The following PABIR2 variants were observed in gnomAD, a reference collection of about 807,000 sequenced individuals.
PABIR2 encodes the protein family with sequence similarity 122B.
PABIR2 carries 7 observed loss-of-function variants against 22.8 expected under a neutral mutation model. The ratio of observed to expected loss-of-function variants is 0.31; its 90% CI spans 0.17 to 0.58. The LOEUF (loss-of-function observed/expected upper bound fraction) is 0.58, where lower values mean the gene tolerates loss of function less well. Ranked by LOEUF, PABIR2 falls within the 20% of genes least tolerant of loss-of-function variation. The pLI, the probability that PABIR2 is intolerant of heterozygous loss-of-function variation, is 0.89. For missense variants in PABIR2, 155 were observed against 205.1 expected (o/e 0.76, Z 1.49); for synonymous variants, 67 against 73.8 (o/e 0.91, Z 0.47).
chrX:134,775,363 A>G (rs2078942623), intron 9 of PABIR2, among the ~76,000 whole-genome samples: 1 of 108,940 alleles, frequency 9.2e-6, no homozygotes, highest in South Asian at 4.0e-4. Flanking sequence ...CTAAAAATAT[A>G]AAAAATTAGC....
chrX:134,771,763 CA>C lies in PABIR2; in HGVS notation c.*375del. 1.2e-6 allele frequency: 1 copy of C among 806,951 alleles called. No homozygotes were observed. Among genetic ancestry groups the C allele is most frequent in the Non-Finnish European group, 1.5e-6 (1 of 674,719 alleles). 66.5% of individuals were successfully genotyped at this position (806,951 alleles called of 1,213,427 possible). Reference sequence around the variant, plus strand: ...TCTCTCAAGCAAGAGAATTTCTGATCAAATCTGTCATATCACTGCTGCGGAA... The same window carrying C: ...TCTCTCAAGCAAGAGAATTTCTGATCAATCTGTCATATCACTGCTGCGGAA... On this transcript the variant is annotated 3_prime_UTR_variant, in exon 10 of 10. Coordinates refer to ENST00000343004, the MANE Select transcript of PABIR2 (RefSeq NM_001387468.1).
chrX:134,790,964 G>A (rs905454501), intron 2 of PABIR2, among the ~76,000 whole-genome samples: 3 of 112,162 alleles, frequency 2.7e-5, no homozygotes, highest in East Asian at 5.6e-4. Flanking sequence ...GACTGTGGAA[G>A]AGAGCGCAGA....
At chrX:134,773,093 T>TG (rs1165301342) in intron 9 of PABIR2, among the ~76,000 whole-genome samples, 1 of 110,715 alleles carries the variant, frequency 9.0e-6, no homozygotes, top group Admixed American at 9.8e-5. Context: ...CTATCCAGCC[T>TG]GGGGGCTCAC....
chrX:134,796,068 C>T lies in PABIR2; in HGVS notation c.98+40G>A, dbSNP rs182383577. On this transcript the variant is annotated intron_variant, in intron 1 of 9. Coordinates refer to ENST00000343004, the MANE Select transcript of PABIR2 (RefSeq NM_001387468.1). ...AGATTGCTTGCATGGGGGCAAGGAG[C>T]CCCTGAATCCTGTACTCCATCCTCC... 21 of 1,132,158 alleles carry T rather than the reference C, an allele frequency of 1.9e-5. No homozygotes were observed. In the East Asian group the frequency reaches 4.5e-4, roughly 24 times the overall value. The allele number at this position is 1,132,158 out of a possible 1,213,427, so 93.3% of individuals were successfully genotyped here. A position where few individuals can be genotyped will look rare whatever the true frequency, so the allele number is the denominator to read the frequency against.
In PABIR2 at chrX:134,771,533, G is replaced by A; in HGVS notation, c.*606C>T. On this transcript the variant is annotated 3_prime_UTR_variant, in exon 10 of 10. Transcript: ENST00000343004. ...CTTCACACACCCCAACAGCAAAGAA[G>A]CAATAAGAGTAATGAAAGCAACTAC... The A allele has an allele frequency of 1.0e-6, 1 of 976,676 alleles. No individual in the cohort carries two copies. The highest frequency in any genetic ancestry group is 1.3e-6 in the Non-Finnish European group (1 of 780,680). The allele number at this position is 976,676 out of a possible 1,213,427, so 80.5% of individuals were successfully genotyped here.
At position 134,797,177 on chromosome X, in the gene PABIR2, C is replaced by T. The variant is rs1424218511; in HGVS notation, c.-972G>A. 1 of 114,041 alleles carries T rather than the reference C, an allele frequency of 8.8e-6. No individual in the cohort carries two copies. Among genetic ancestry groups the T allele is most frequent in the Non-Finnish European group, 1.9e-5 (1 of 53,461 alleles). 9.4% of individuals were successfully genotyped at this position (114,041 alleles called of 1,213,427 possible). On this transcript the variant is annotated 5_prime_UTR_variant, in exon 1 of 10. Transcript: ENST00000343004. ...AGCGGGAACCTCCGCTGGGCCAGTTCTTCCGCGTCCGGGCACCCATCGGGT... is the reference window on the plus strand; with the variant it reads ...AGCGGGAACCTCCGCTGGGCCAGTTTTTCCGCGTCCGGGCACCCATCGGGT...
At chrX:134,784,083 A>G (rs2079235497) in intron 8 of PABIR2, among the ~76,000 whole-genome samples, 1 of 107,884 alleles carries the variant, frequency 9.3e-6, no homozygotes, top group Admixed American at 1.0e-4. Context: ...CTTGCCTCAA[A>G]AAAAAAAAAA....
In PABIR2 at chrX:134,796,325, A is replaced by T; in HGVS notation, c.-120T>A. 1.5e-4 allele frequency: 1 copy of T among 6,674 alleles called. No individual in the cohort carries two copies. Among genetic ancestry groups the T allele is most frequent in the East Asian group, 6.8e-3 (1 of 147 alleles). 0.6% of individuals were successfully genotyped at this position (6,674 alleles called of 1,213,427 possible). Reference sequence around the variant, plus strand: ...GACTGGCAGCTGGGGGCGGGGGCTAAGGGGCGGAGGCTTGGGGACGGGGGC... The same window carrying T: ...GACTGGCAGCTGGGGGCGGGGGCTATGGGGCGGAGGCTTGGGGACGGGGGC... On this transcript the variant is annotated 5_prime_UTR_variant, in exon 1 of 10. Coordinates refer to ENST00000343004, the MANE Select transcript of PABIR2 (RefSeq NM_001387468.1).
chrX:134,794,667 T>C (rs1007020367), intron 1 of PABIR2, among the ~76,000 whole-genome samples: 1 of 112,130 alleles, frequency 8.9e-6, no homozygotes, highest in African/African-American at 3.2e-5. Flanking sequence ...AGAGGTGTTT[T>C]GTTAATCTTT....
chrX:134,781,220 G>A (rs1263590764), intron 9 of PABIR2, among the ~76,000 whole-genome samples: 1 of 112,872 alleles, frequency 8.9e-6, no homozygotes, highest in East Asian at 2.8e-4. Flanking sequence ...ATGAAATACT[G>A]TTGACTTTGA....
Position 134,782,737 on chromosome X carries a change from A to G in PABIR2, c.563-820T>C, listed in dbSNP as rs182634940. Among the ~76,000 whole-genome samples the G allele has an allele frequency of 3.6e-3, 409 of 112,389 alleles. 1 individual carries two copies. The highest frequency in any genetic ancestry group is 0.013 in the African/African-American group (395 of 30,970). ...CATGAGCCTGTCTATACTCCAGTAG[A>G]AAATTAGTAACTTTGAACTTAAAAC... On this transcript the variant is annotated intron_variant, in intron 8 of 9. Coordinates refer to ENST00000343004, the MANE Select transcript of PABIR2 (RefSeq NM_001387468.1).
chrX:134,782,010 G>C (rs1289628496), intron 8 of PABIR2, 93 bp from the exon 9 acceptor site: 1 of 539,781 alleles, frequency 1.9e-6, no homozygotes, highest in Admixed American at 3.4e-5. Context: ...CCAAAGCTCA[G>C]AATACTTCTT....
At chrX:134,789,047 T>C (rs1352556511) in intron 5 of PABIR2, 38 bp downstream of exon 5, 1 of 1,209,125 alleles carries the variant, frequency 8.3e-7, no homozygotes, top group Non-Finnish European at 1.1e-6. Context: ...TAAAAGTTTC[T>C]AGAAAATGAA....
intron 1 of PABIR2, 145 bp downstream of exon 1, chrX:134,795,963 A>G (rs2079787165): frequency 2.1e-6 from 1 of 482,499 alleles, no homozygotes; most frequent in Non-Finnish European, 3.4e-6. Context: ...TTGGGACCCA[A>G]GTCACTGTCA....
intron 9 of PABIR2, among the ~76,000 whole-genome samples, chrX:134,775,149 A>T (rs903275165): frequency 8.9e-6 from 1 of 112,173 alleles, no homozygotes; most frequent in Non-Finnish European, 1.9e-5. Context: ...CAAATTGGAC[A>T]TAGGAATCCT....
intron 1 of PABIR2, 44 bp downstream of exon 1, chrX:134,796,064 G>A (rs755680215): frequency 2.1e-5 from 23 of 1,118,880 alleles, no homozygotes; most frequent in Non-Finnish European, 2.8e-5. Context: ...ATGGGGGCAA[G>A]GAGCCCCTGA....
chrX:134,780,503 C>T (rs1206432128), intron 9 of PABIR2, among the ~76,000 whole-genome samples: 4 of 111,458 alleles, frequency 3.6e-5, no homozygotes, highest in African/African-American at 1.3e-4. Context: ...CTCTTGAACC[C>T]GGGAGGCAGA....
chrX:134,773,694 G>T (rs1160544932), intron 9 of PABIR2, among the ~76,000 whole-genome samples: 1 of 111,797 alleles, frequency 8.9e-6, no homozygotes, highest in East Asian at 2.8e-4. Flanking sequence ...AAGGAAAAAA[G>T]CATCGAATTG....
Position 134,789,629 on chromosome X carries a change from G to A in PABIR2, c.185C>T (p.Ser62Leu), listed in dbSNP as rs780227927. Residue 62 changes from serine (S) to leucine (L), a missense_variant, in exon 3 of 10, where the codon TCA becomes TTA. Transcript: ENST00000343004. Reference sequence around the variant, plus strand: ...ACTAGGAATACGATTAGGTGAGGATGACAGCAACTGGAAAGAAAAAGTAAA... The same window carrying A: ...ACTAGGAATACGATTAGGTGAGGATAACAGCAACTGGAAAGAAAAAGTAAA... ...TIMSRHSLLL[S>L]SSPNRIPSSR... 192 of 1,150,848 alleles carry A rather than the reference G, an allele frequency of 1.7e-4. No individual in the cohort carries two copies. Among genetic ancestry groups the A allele is most frequent in the Non-Finnish European group, 2.1e-4 (187 of 870,092 alleles). The allele number at this position is 1,150,848 out of a possible 1,213,427, so 94.8% of individuals were successfully genotyped here. A position where few individuals can be genotyped will look rare whatever the true frequency, so the allele number is the denominator to read the frequency against.
Sources: allele counts gnomAD v4.1 joint callset (sites outside exome capture counted in the v4.1 genomes callset), GRCh38; gene constraint gnomAD v4.1.1; transcripts MANE v1.5; gene names NCBI Gene and HGNC (gene_info 2026-07-23, HGNC 2026-07-21).